Variants in PPIG observed in about 807,000 individuals in gnomAD.
The protein encoded by PPIG is peptidylprolyl isomerase G.
In PPIG, 26 loss-of-function variants were observed where a neutral mutation model predicts 87.9. The observed-to-expected ratio is 0.30, with a 90% CI of 0.22 to 0.41. The LOEUF (loss-of-function observed/expected upper bound fraction) is 0.41. Ranked by LOEUF, PPIG falls within the 10% of genes least tolerant of loss-of-function variation. The pLI is 1.00. For synonymous variants in PPIG, 308 were observed against 276.5 expected (o/e 1.11, Z -1.13); for missense variants, 722 against 879.4 (o/e 0.82, Z 2.26).
intron 13 of PPIG, 43 bp downstream of exon 13, chr2:169,636,271 T>G (rs113339324): frequency 3.2e-6 from 5 of 1,546,520 alleles, no homozygotes; most frequent in African/African-American, 2.8e-5. Context: ...TGATAAGTGT[T>G]TGCTTTTACT....
chr2:169,584,630 G>C (rs1486358567), intron 1 of PPIG, 140 bp downstream of exon 1: 2 of 418,042 alleles, frequency 4.8e-6, no homozygotes, highest in East Asian at 7.4e-5. Flanking sequence ...TCGAGGTATC[G>C]GGGCTGCTTG....
chr2:169,633,828 ACC>A (rs869124303), intron 12 of PPIG, among the ~76,000 whole-genome samples: 1 of 79,936 alleles, frequency 1.3e-5, no homozygotes, highest in African/African-American at 5.7e-5. Context: ...TATTCTTTCC[ACC>A]CCCCCCTTTT....
At chr2:169,596,957 C>T (rs1212619746) in intron 1 of PPIG, among the ~76,000 whole-genome samples, 1 of 152,182 alleles carries the variant, frequency 6.6e-6, no homozygotes, top group Non-Finnish European at 1.5e-5. Flanking sequence ...CCACCTTCGC[C>T]TCCCAAAGTG....
intron 1 of PPIG, among the ~76,000 whole-genome samples, chr2:169,588,627 T>G (rs556852286): frequency 6.6e-6 from 1 of 152,274 alleles, no homozygotes; most frequent in Non-Finnish European, 1.5e-5. Context: ...GTAAATCTTT[T>G]TTCTTTTTTG....
At chr2:169,606,791 C>T (rs1685343051) in intron 5 of PPIG, among the ~76,000 whole-genome samples, 1 of 151,936 alleles carries the variant, frequency 6.6e-6, no homozygotes, top group Non-Finnish European at 1.5e-5. Flanking sequence ...AATATCAAAA[C>T]TATAGTTTTA....
At chr2:169,626,049 C>T (rs147418745) in intron 9 of PPIG, among the ~76,000 whole-genome samples, 1 of 152,248 alleles carries the variant, frequency 6.6e-6, no homozygotes, top group African/African-American at 2.4e-5. Flanking sequence ...GTACCAGGGA[C>T]CATGGCTCTT....
chr2:169,631,093 T>TA (rs1447661379), intron 10 of PPIG, 106 bp downstream of exon 10: 54 of 1,049,714 alleles, frequency 5.1e-5, no homozygotes, highest in Middle Eastern at 3.1e-4. Context: ...TAGTGAGAAA[T>TA]ATAGCATGGA....
chr2:169,587,092 C>A (rs1684724824), intron 1 of PPIG, among the ~76,000 whole-genome samples: 1 of 152,030 alleles, frequency 6.6e-6, no homozygotes, highest in Non-Finnish European at 1.5e-5. Flanking sequence ...TGCCACCACA[C>A]CGGGTAATTT....
At chr2:169,615,657 C>T (rs1261354965) in intron 9 of PPIG, among the ~76,000 whole-genome samples, 1 of 152,078 alleles carries the variant, frequency 6.6e-6, no homozygotes, top group African/African-American at 2.4e-5. Context: ...AATAGTATTC[C>T]ATTGTGTATA....
chr2:169,633,114 A>G (rs777723945), intron 11 of PPIG, 46 bp from the exon 12 acceptor site: 8 of 1,424,318 alleles, frequency 5.6e-6, no homozygotes, highest in African/African-American at 4.2e-5. Flanking sequence ...CTGGCCAACA[A>G]AAGTTTTTAA....
At chr2:169,611,819 G>T (rs1039414190) in intron 7 of PPIG, among the ~76,000 whole-genome samples, 3 of 151,386 alleles carry the variant, frequency 2.0e-5, no homozygotes, top group African/African-American at 7.3e-5. Flanking sequence ...TTCCTATTTC[G>T]TAGGTAACCC....
chr2:169,591,920 ATTTTTTTTTTTTTTT>A (rs3067016), intron 1 of PPIG, among the ~76,000 whole-genome samples: 1 of 87,410 alleles, frequency 1.1e-5, no homozygotes, highest in East Asian at 4.0e-4. Context: ...GCAATTCATG[ATTTTTTTTTTTTTTT>A]TTTTTTTTTT....
intron 9 of PPIG, among the ~76,000 whole-genome samples, chr2:169,619,149 G>A (rs1685678416): frequency 6.6e-6 from 1 of 152,138 alleles, no homozygotes. Context: ...TTAGGAGCAG[G>A]TTGTTCAGTT....
chr2:169,598,619 T>C (rs1420755474), intron 1 of PPIG, among the ~76,000 whole-genome samples: 1 of 152,044 alleles, frequency 6.6e-6, no homozygotes, highest in Non-Finnish European at 1.5e-5. Flanking sequence ...ACAAAATAAG[T>C]TAACATTTAC....
chr2:169,604,300 G>T, intron 4 of PPIG, 39 bp downstream of exon 4: 2 of 762,494 alleles, frequency 2.6e-6, no homozygotes, highest in Non-Finnish European at 2.1e-6. Flanking sequence ...AGTAGTCTCA[G>T]TTGACTATGG....
intron 9 of PPIG, among the ~76,000 whole-genome samples, chr2:169,617,502 G>A (rs1685635673): frequency 6.6e-6 from 1 of 152,132 alleles, no homozygotes; most frequent in South Asian, 2.1e-4. Flanking sequence ...AGCATGGAAT[G>A]TTTTTCCATT....
chr2:169,623,215 G>C (rs764234390), intron 9 of PPIG, among the ~76,000 whole-genome samples: 41 of 152,200 alleles, frequency 2.7e-4, no homozygotes, highest in Middle Eastern at 3.2e-3. Flanking sequence ...GCTGTCAAAA[G>C]TCAGAGTGGA....
intron 1 of PPIG, among the ~76,000 whole-genome samples, chr2:169,595,021 C>T (rs933019428): frequency 2.6e-5 from 4 of 152,046 alleles, no homozygotes; most frequent in South Asian, 2.1e-4. Context: ...CTCCGCCTCC[C>T]GGGTTCAAGC....
At chr2:169,630,364 C>T (rs534311940) in intron 9 of PPIG, among the ~76,000 whole-genome samples, 5 of 152,212 alleles carry the variant, frequency 3.3e-5, no homozygotes, top group Admixed American at 2.0e-4. Flanking sequence ...CTTATCTCTC[C>T]ATGTTGCTGT....
Sources: gnomAD v4.1 joint callset for allele counts (sites outside exome capture counted in the v4.1 genomes callset) on GRCh38, gnomAD v4.1.1 for gene constraint, MANE v1.5 for transcripts, NCBI Gene and HGNC (gene_info 2026-07-23, HGNC 2026-07-21) for gene names.